EPHA6: variants seen among roughly 807,000 people sequenced by gnomAD.
EPHA6 encodes the protein ephrin type-A receptor 6.
A neutral mutation model predicts 112.0 loss-of-function variants in EPHA6; 50 were observed. The ratio of observed to expected loss-of-function variants is 0.45; its 90% CI spans 0.36 to 0.56. The LOEUF (loss-of-function observed/expected upper bound fraction) is 0.56. Among genes scored for constraint, EPHA6 ranks in the 20% least tolerant of loss-of-function variants. The pLI, the probability that EPHA6 is intolerant of heterozygous loss-of-function variation, is 0.00. For missense variants in EPHA6, 1,280 were observed against 1,417.4 expected (o/e 0.90, Z 1.56); for synonymous variants, 529 against 490.7 (o/e 1.08, Z -1.03).
At position 97,625,688 on chromosome 3, in the gene EPHA6, T is replaced by G. The variant is rs1449175142; in HGVS notation, c.2575-12185T>G. Among the ~76,000 whole-genome samples, 4 of 151,794 alleles carry G rather than the reference T, an allele frequency of 2.6e-5. No individual in the cohort carries two copies. In the East Asian group the frequency reaches 7.7e-4, roughly 29 times the overall value. ...TTTTGTTTCATATATTTTGATGGTCTGTTGTTACTTATGTTAATGTTTGTA... is the reference window on the plus strand; with the variant it reads ...TTTTGTTTCATATATTTTGATGGTCGGTTGTTACTTATGTTAATGTTTGTA... On this transcript the variant is annotated intron_variant, in intron 13 of 17. Coordinates refer to ENST00000389672, the MANE Select transcript of EPHA6 (RefSeq NM_001080448.3).
At chr3:96,878,627 A>G (rs919812053) in intron 2 of EPHA6, among the ~76,000 whole-genome samples, 4 of 152,072 alleles carry the variant, frequency 2.6e-5, no homozygotes, top group African/African-American at 9.7e-5. Context: ...AACAAAAGCT[A>G]TTATGAGCTA....
At chr3:97,623,825 G>T (rs1183910487) in intron 13 of EPHA6, among the ~76,000 whole-genome samples, 1 of 151,582 alleles carries the variant, frequency 6.6e-6, no homozygotes, top group Non-Finnish European at 1.5e-5. Flanking sequence ...ACATGAAAAG[G>T]TTTATTTCTG....
chr3:97,144,579 C>G (rs2075993632), intron 3 of EPHA6, among the ~76,000 whole-genome samples: 1 of 150,782 alleles, frequency 6.6e-6, no homozygotes. Flanking sequence ...TTCAATATTT[C>G]TGTTGCTACA....
rs541072458 is a variant in EPHA6 at position 97,396,090 on chromosome 3, C to T, written c.1607-9060C>T. On this transcript the variant is annotated intron_variant, in intron 5 of 17. Coordinates refer to ENST00000389672, the MANE Select transcript of EPHA6 (RefSeq NM_001080448.3). ...TGGATAAGAAGCTATCAAAGTTAAG[C>T]GTCAAGGGATTTTCCGGATTGCTGG... Among the ~76,000 whole-genome samples the T allele has an allele frequency of 9.9e-5, 15 of 151,614 alleles. No individual in the cohort carries two copies. In the East Asian group the frequency reaches 1.6e-3, roughly 16 times the overall value.
intron 5 of EPHA6, among the ~76,000 whole-genome samples, chr3:97,366,702 T>C (rs540827658): frequency 1.3e-5 from 2 of 152,134 alleles, no homozygotes; most frequent in Non-Finnish European, 2.9e-5. Flanking sequence ...AGAAAAAGTG[T>C]ATGTTTGGAA....
intron 11 of EPHA6, among the ~76,000 whole-genome samples, chr3:97,535,038 T>C (rs1025633658): frequency 7.3e-6 from 1 of 137,128 alleles, no homozygotes; most frequent in East Asian, 2.0e-4. Context: ...ATCTATCCTT[T>C]CTCAATCACA....
At chr3:97,238,506 T>C (rs2078745939) in intron 4 of EPHA6, among the ~76,000 whole-genome samples, 1 of 151,968 alleles carries the variant, frequency 6.6e-6, no homozygotes, top group African/African-American at 2.4e-5. Flanking sequence ...TGAAAAAAAT[T>C]ACTTCAGTGT....
At chr3:97,747,684 T>C in intron 17 of EPHA6, 112 bp downstream of exon 17, 1 of 931,050 alleles carries the variant, frequency 1.1e-6, no homozygotes. Flanking sequence ...TCCAAGTCTT[T>C]GCTCACCATT....
At chr3:97,349,906 G>T (rs2083718289) in intron 5 of EPHA6, among the ~76,000 whole-genome samples, 1 of 151,758 alleles carries the variant, frequency 6.6e-6, no homozygotes, top group African/African-American at 2.4e-5. Context: ...TCTTTTAGGG[G>T]GCAGTAACAC....
chr3:97,576,094 T>A (rs2093381951), intron 11 of EPHA6, among the ~76,000 whole-genome samples: 1 of 152,092 alleles, frequency 6.6e-6, no homozygotes, highest in South Asian at 2.1e-4. Flanking sequence ...GAAATGGGAT[T>A]CTTAGATCTT....
chr3:97,518,716 C>T (rs2092488403), intron 10 of EPHA6, among the ~76,000 whole-genome samples: 1 of 152,042 alleles, frequency 6.6e-6, no homozygotes, highest in African/African-American at 2.4e-5. Flanking sequence ...TTCTAATTTG[C>T]ATTTTCCTGA....
At position 96,948,265 on chromosome 3, in the gene EPHA6, T is replaced by C. The variant is rs1559615590; in HGVS notation, c.451-39065T>C. ...TTCATATATACTTTATTTGCTTCTG[T>C]ATGTTCTATGTGTCATTGAGGAAAA... On this transcript the variant is annotated intron_variant, in intron 2 of 17. Coordinates refer to ENST00000389672, the MANE Select transcript of EPHA6 (RefSeq NM_001080448.3). 2.0e-5 allele frequency among the ~76,000 whole-genome samples: 3 copies of C among 152,278 alleles called. No homozygotes were observed. The East Asian group carries it at 5.8e-4, about 29-fold the overall frequency.
intron 12 of EPHA6, among the ~76,000 whole-genome samples, chr3:97,598,835 C>T (rs989722968): frequency 1.3e-5 from 2 of 151,832 alleles, no homozygotes; most frequent in Admixed American, 6.6e-5. Context: ...CCTGAAGAAT[C>T]GCCACACTGA....
intron 5 of EPHA6, among the ~76,000 whole-genome samples, chr3:97,250,084 G>T (rs1194984292): frequency 6.6e-6 from 1 of 152,088 alleles, no homozygotes; most frequent in Non-Finnish European, 1.5e-5. Context: ...AGAAAATCTT[G>T]TAACTATATA....
chr3:97,523,593 A>G lies in EPHA6; in HGVS notation c.2201-8765A>G, dbSNP rs193229711. On this transcript the variant is annotated intron_variant, in intron 10 of 17. Transcript: ENST00000389672. ...CTTTTTCTACTGATTTCTTGTCTGA[A>G]TGAACTATCCATCGTTGAAAGTGCA... Among the ~76,000 whole-genome samples the G allele has an allele frequency of 7.9e-5, 12 of 152,106 alleles. No individual in the cohort carries two copies. In the East Asian group the frequency reaches 2.3e-3, roughly 29 times the overall value.
chr3:97,733,407 T>A (rs1454338263), intron 15 of EPHA6, among the ~76,000 whole-genome samples: 1 of 152,094 alleles, frequency 6.6e-6, no homozygotes, highest in Non-Finnish European at 1.5e-5. Flanking sequence ...AATCAACACC[T>A]TCTTCAGAGA....
intron 3 of EPHA6, among the ~76,000 whole-genome samples, chr3:97,149,554 G>C (rs1051309965): frequency 5.9e-5 from 9 of 151,848 alleles, no homozygotes; most frequent in Non-Finnish European, 1.0e-4. Flanking sequence ...TGTCTCCAAG[G>C]CTTTGTTAAG....
intron 3 of EPHA6, among the ~76,000 whole-genome samples, chr3:97,134,091 G>A (rs2075709428): frequency 6.6e-6 from 1 of 151,898 alleles, no homozygotes; most frequent in Non-Finnish European, 1.5e-5. Flanking sequence ...TGACTATAGA[G>A]TCAGAGGTCA....
intron 11 of EPHA6, among the ~76,000 whole-genome samples, chr3:97,576,564 A>G (rs2093387503): frequency 6.6e-6 from 1 of 152,222 alleles, no homozygotes; most frequent in South Asian, 2.1e-4. Context: ...TCAAGGTTGT[A>G]GAACTTAAGT....
Sources: allele counts gnomAD v4.1 joint callset (sites outside exome capture counted in the v4.1 genomes callset), GRCh38; gene constraint gnomAD v4.1.1; transcripts MANE v1.5; gene names NCBI Gene and HGNC (gene_info 2026-07-23, HGNC 2026-07-21).